The following DNM2 variants were observed in gnomAD, a reference collection of about 807,000 sequenced individuals.
DNM2 encodes the protein dynamin-2.
In DNM2, 15 loss-of-function variants were observed where a neutral mutation model predicts 99.0. The observed-to-expected ratio is 0.15, with a 90% CI of 0.10 to 0.23. The LOEUF (loss-of-function observed/expected upper bound fraction) is 0.23, where lower values mean the gene tolerates loss of function less well. Ranked by LOEUF, DNM2 falls within the 10% of genes least tolerant of loss-of-function variation. DNM2 has a pLI of 1.00. For synonymous variants in DNM2, 525 were observed against 481.2 expected (o/e 1.09, Z -1.19); for missense variants, 742 against 1,189.4 (o/e 0.62, Z 5.53).
intron 1 of DNM2, chr19:10,755,430 G>C (rs1401550592): frequency 6.6e-6 from 1 of 151,684 alleles, no homozygotes; most frequent in Non-Finnish European, 1.5e-5. Flanking sequence ...TCAGTGTCTA[G>C]CCAGCGCCGC....
intron 2 of DNM2, among the ~76,000 whole-genome samples, chr19:10,760,827 A>ATTTTTTTTTTTTTTTTTTTTTTTT (rs57290103): frequency 2.4e-5 from 1 of 41,262 alleles, no homozygotes; most frequent in African/African-American, 9.4e-5. Context: ...CACCCAGCTG[A>ATTTTTTTTTTTTTTTTTTTTTTTT]TTTTTTTTTT....
intron 1 of DNM2, among the ~76,000 whole-genome samples, chr19:10,722,597 C>T (rs1306909590): frequency 6.6e-6 from 1 of 152,062 alleles, no homozygotes; most frequent in Admixed American, 6.6e-5. Context: ...TCCACCTCGG[C>T]CTCCCAAAGT....
rs2070777303 is a variant in DNM2, at chr19:10,765,721, A to T, written c.235+5910A>T. 6.6e-6 allele frequency among the ~76,000 whole-genome samples: 1 copy of T among 152,176 alleles called. No homozygotes were observed. Among genetic ancestry groups the T allele is most frequent in the South Asian group, 2.1e-4 (1 of 4,828 alleles). On this transcript the variant is annotated intron_variant, in intron 2 of 20. Transcript: ENST00000389253. The surrounding 1 kb of genome is among the most constrained non-coding windows in gnomAD (Gnocchi z 4.4). ...GCTCTCAAAAGTCCTGCATGAGTGG[A>T]TCCTGCCTGCTGGCGTGGTAGCTAG...
At chr19:10,740,476 C>T (rs535756059) in intron 1 of DNM2, among the ~76,000 whole-genome samples, 10 of 151,862 alleles carry the variant, frequency 6.6e-5, no homozygotes, top group South Asian at 2.1e-4. Context: ...CCCAGGTTCA[C>T]GCCATCCTCG....
intron 2 of DNM2, among the ~76,000 whole-genome samples, chr19:10,769,769 A>G (rs191699108): frequency 6.6e-6 from 1 of 151,874 alleles, no homozygotes; most frequent in Non-Finnish European, 1.5e-5. Context: ...GGGGGTGGGG[A>G]TCCTGAATCC....
At position 10,812,041 on chromosome 19, in the gene DNM2, C is replaced by G; in HGVS notation, c.1558-223C>G. The G allele has an allele frequency of 1.9e-6, 1 of 530,752 alleles. No homozygotes were observed. The highest frequency in any genetic ancestry group is 1.5e-5 in the South Asian group (1 of 65,222). The allele number at this position is 530,752 out of a possible 1,614,324, so 32.9% of individuals were successfully genotyped here. ...GTCTATACCCCATCAGCCCCTGGCC[C>G]AGTGAGTCTGTCTGTCCGCCCACCT... On this transcript the variant is annotated intron_variant, in intron 14 of 20. Coordinates refer to ENST00000389253, the MANE Select transcript of DNM2 (RefSeq NM_001005361.3). This position sits in a 1 kb window ranked among gnomAD's most constrained non-coding sequence, Gnocchi z 4.0.
intron 12 of DNM2, 87 bp downstream of exon 12, chr19:10,802,445 A>G (rs1331740942): frequency 6.9e-7 from 1 of 1,455,854 alleles, no homozygotes; most frequent in Non-Finnish European, 9.6e-7. Flanking sequence ...ATTCTCTGAG[A>G]GGGCAGGTGT....
intron 1 of DNM2, among the ~76,000 whole-genome samples, chr19:10,756,975 G>A (rs1053193505): frequency 6.6e-6 from 1 of 152,124 alleles, no homozygotes; most frequent in East Asian, 1.9e-4. Flanking sequence ...GGGTTTAAAA[G>A]CTTACATTTG....
intron 1 of DNM2, among the ~76,000 whole-genome samples, chr19:10,737,609 C>T (rs759064146): frequency 6.6e-6 from 1 of 152,134 alleles, no homozygotes; most frequent in Non-Finnish European, 1.5e-5. Flanking sequence ...CCTCAGCCTC[C>T]CAAGTAGCTG....
rs1652837683 is a variant in DNM2, at chr19:10,819,914, C to G, written c.1672-66C>G. On this transcript the variant is annotated intron_variant, in intron 15 of 20. Transcript: ENST00000389253. ...CTGGTGGTGGCGCATGCTACACGCT[C>G]TGGCCTGGGGCATCCTGAGTTGTCA... is the stretch of plus-strand genomic sequence containing the variant. 5 of 1,490,114 alleles carry G rather than the reference C, an allele frequency of 3.4e-6. 1 individual carries two copies. In the South Asian group the frequency reaches 5.6e-5, roughly 17 times the overall value. 92.3% of individuals were successfully genotyped at this position (1,490,114 alleles called of 1,614,324 possible). A position where few individuals can be genotyped will look rare whatever the true frequency, so the allele number is the denominator to read the frequency against.
chr19:10,743,984 CAGA>C (rs2069864741), intron 1 of DNM2, among the ~76,000 whole-genome samples: 1 of 139,136 alleles, frequency 7.2e-6, no homozygotes, highest in Non-Finnish European at 1.5e-5. Flanking sequence ...AGACTGTTTC[CAGA>C]AAAAAAAAAA....
intron 1 of DNM2, among the ~76,000 whole-genome samples, chr19:10,741,938 TTTCC>T (rs1369164777): frequency 1.6e-4 from 24 of 150,466 alleles, no homozygotes; most frequent in African/African-American, 3.4e-4. Flanking sequence ...CCCTCCCTTC[TTTCC>T]TTCCTTCCTT....
chr19:10,829,122 G>GGCA lies in DNM2; in HGVS notation c.2146_2148dup (p.Ala716dup). ...GCCTCATGGAGGAGTCGGCTGACCA[G>GGCA]GCACAGCGGCGGGACGACATGCTGC... On this transcript the variant is annotated inframe_insertion, in exon 19 of 21. Transcript: ENST00000389253. The GGCA allele has an allele frequency of 6.2e-7, 1 of 1,614,074 alleles. No individual in the cohort carries two copies. The highest frequency in any genetic ancestry group is 8.5e-7 in the Non-Finnish European group (1 of 1,180,026).
At position 10,830,516 on chromosome 19, in the gene DNM2, G is replaced by T. The variant is rs891560036; in HGVS notation, c.2543+138G>T. 10 of 1,090,794 alleles carry T rather than the reference G, an allele frequency of 9.2e-6. No homozygotes were observed. In the East Asian group the frequency reaches 1.0e-4, roughly 11 times the overall value. 67.6% of individuals were successfully genotyped at this position (1,090,794 alleles called of 1,614,324 possible). On this transcript the variant is annotated intron_variant, in intron 20 of 20. Transcript: ENST00000389253. This position sits in a 1 kb window ranked among gnomAD's most constrained non-coding sequence, Gnocchi z 4.8. ...AATCGTCCTCATCCCTATTTGGCTT[G>T]CGAGGAAACAGGCCCAGAGAGGCCA...
intron 11 of DNM2, among the ~76,000 whole-genome samples, chr19:10,800,929 A>G (rs1275610972): frequency 6.6e-6 from 1 of 152,250 alleles, no homozygotes; most frequent in Non-Finnish European, 1.5e-5. Flanking sequence ...GTGCACGTGC[A>G]CGTGTGTGTT....
At chr19:10,738,707 C>T (rs2069622746) in intron 1 of DNM2, among the ~76,000 whole-genome samples, 1 of 150,984 alleles carries the variant, frequency 6.6e-6, no homozygotes, top group East Asian at 1.9e-4. Flanking sequence ...ATGAAAAATA[C>T]AAAAAAAAGT....
intron 1 of DNM2, among the ~76,000 whole-genome samples, chr19:10,725,397 G>T (rs2069079678): frequency 6.7e-6 from 1 of 148,192 alleles, no homozygotes; most frequent in Non-Finnish European, 1.5e-5. Flanking sequence ...AGTAAGCGGA[G>T]ATCACGCCAT....
chr19:10,755,295 A>G (rs959038006), intron 1 of DNM2: 1 of 152,164 alleles, frequency 6.6e-6, no homozygotes, highest in Non-Finnish European at 1.5e-5. Context: ...ATTGCATCAC[A>G]TGCTGCTCCT....
chr19:10,755,804 C>T (rs1316878710), intron 1 of DNM2, among the ~76,000 whole-genome samples: 1 of 152,128 alleles, frequency 6.6e-6, no homozygotes. Context: ...GCTGGGATTA[C>T]ATGCTTGCGC....
Sources: allele counts gnomAD v4.1 joint callset (sites outside exome capture counted in the v4.1 genomes callset), GRCh38; gene constraint gnomAD v4.1.1; non-coding constraint Gnocchi (gnomAD v3.1); transcripts MANE v1.5; gene names NCBI Gene and HGNC (gene_info 2026-07-23, HGNC 2026-07-21).